The following PCDHGA5 variants were observed in gnomAD, a reference collection of about 807,000 sequenced individuals.
PCDHGA5 encodes the protein protocadherin gamma subfamily A, 5.
A neutral mutation model predicts 56.7 loss-of-function variants in PCDHGA5; 36 were observed. The observed-to-expected ratio is 0.64, with a 90% confidence interval of 0.49 to 0.84. The LOEUF is 0.84. PCDHGA5 is among the 40% of genes least tolerant of loss of function. The pLI is 0.00. For synonymous variants in PCDHGA5, 563 were observed against 520.2 expected (o/e 1.08, Z -1.12); for missense variants, 1,305 against 1,201.5 (o/e 1.09, Z -1.27).
chr5:141,371,913 G>T (rs569737317), intron 1 of PCDHGA5: 1 of 1,613,394 alleles, frequency 6.2e-7, no homozygotes, highest in African/African-American at 1.3e-5. Flanking sequence ...CTACGTGTCC[G>T]TGAGCGCGCG....
intron 1 of PCDHGA5, among the ~76,000 whole-genome samples, chr5:141,456,882 G>A (rs1039329600): frequency 6.6e-6 from 1 of 152,156 alleles, no homozygotes; most frequent in Non-Finnish European, 1.5e-5. Context: ...AGAATCGCTT[G>A]AACCCGGGAG....
chr5:141,437,306 C>T (rs1462689998), intron 1 of PCDHGA5, among the ~76,000 whole-genome samples: 1 of 152,104 alleles, frequency 6.6e-6, no homozygotes, highest in Non-Finnish European at 1.5e-5. Flanking sequence ...CAAGTTAAAG[C>T]GTTCAGCTAT....
chr5:141,375,257 T>C, intron 1 of PCDHGA5: 1 of 1,613,890 alleles, frequency 6.2e-7, no homozygotes, highest in Middle Eastern at 1.6e-4. Flanking sequence ...AAGTCTCCCA[T>C]TTGAATTGGA....
chr5:141,491,964 C>T lies in PCDHGA5; in HGVS notation c.2422-2843C>T, dbSNP rs1382490003. 2.1e-6 allele frequency: 2 copies of T among 943,836 alleles called. No individual in the cohort carries two copies. The highest frequency in any genetic ancestry group is 3.0e-6 in the Non-Finnish European group (2 of 671,104). 58.5% of individuals were successfully genotyped at this position (943,836 alleles called of 1,614,324 possible). On this transcript the variant is annotated intron_variant, in intron 1 of 3. Transcript: ENST00000518069. The surrounding 1 kb of genome is among the most constrained non-coding windows in gnomAD (Gnocchi z 6.9). ...CCCCACCCCTACACTCAAAAAAGGC[C>T]GGGGCCTCCTTCGAGCTTCCGGTGA...
intron 1 of PCDHGA5, among the ~76,000 whole-genome samples, chr5:141,466,748 G>A (rs562859284): frequency 6.6e-6 from 1 of 152,238 alleles, no homozygotes; most frequent in South Asian, 2.1e-4. Context: ...TACTCTGATA[G>A]GGGCTCTTTT....
At chr5:141,395,095 C>G in intron 1 of PCDHGA5, 1 of 1,614,174 alleles carries the variant, frequency 6.2e-7, no homozygotes, top group Non-Finnish European at 8.5e-7. Flanking sequence ...TCCCTCACCG[C>G]CGACTCGCGG....
chr5:141,394,918 G>A, intron 1 of PCDHGA5: 1 of 1,613,812 alleles, frequency 6.2e-7, no homozygotes, highest in Non-Finnish European at 8.5e-7. Context: ...GCCATCTCCT[G>A]TGTCTTCCTC....
At chr5:141,380,267 C>A (rs1021604042) in intron 1 of PCDHGA5, among the ~76,000 whole-genome samples, 2 of 152,042 alleles carry the variant, frequency 1.3e-5, no homozygotes, top group Non-Finnish European at 2.9e-5. Flanking sequence ...GGAGTAAAAT[C>A]TCAGAGGAGA....
At chr5:141,389,578 TG>T (rs1314978831) in intron 1 of PCDHGA5, 1 of 1,613,236 alleles carries the variant, frequency 6.2e-7, no homozygotes, top group South Asian at 1.1e-5. Context: ...TACCCCGCGC[TG>T]GGTCCCGACG....
At chr5:141,453,178 A>G (rs939398654) in intron 1 of PCDHGA5, among the ~76,000 whole-genome samples, 1 of 152,128 alleles carries the variant, frequency 6.6e-6, no homozygotes, top group African/African-American at 2.4e-5. Flanking sequence ...CAGTGGTACA[A>G]TCACAGCTCA....
chr5:141,434,727 A>C (rs1344107083), intron 1 of PCDHGA5, among the ~76,000 whole-genome samples: 1 of 152,052 alleles, frequency 6.6e-6, no homozygotes. Context: ...CAGGGCTCTC[A>C]GCTCTGAAGG....
Position 141,400,095 on chromosome 5 carries a change from G to A in PCDHGA5, c.2421+33344G>A, listed in dbSNP as rs6873830. ...CGCCACTCTCCGCCACCGCCACGCT[G>A]CACTTGGTCTTTGCTGACAGCTTGC... On this transcript the variant is annotated intron_variant, in intron 1 of 3. Coordinates refer to ENST00000518069, the MANE Select transcript of PCDHGA5 (RefSeq NM_018918.3). 3.0e-3 allele frequency: 4,838 copies of A among 1,614,064 alleles called. 144 individuals are homozygous for A. The African/African-American group carries it at 0.056, about 19-fold the overall frequency.
chr5:141,410,849 C>CTTTTTTTTTTTT lies in PCDHGA5; in HGVS notation c.2421+44109_2421+44120dup. The CTTTTTTTTTTTT allele has an allele frequency of 2.7e-3, 375 of 138,154 alleles. 24 individuals are homozygous for CTTTTTTTTTTTT. The highest frequency in any genetic ancestry group is 6.9e-3 in the African/African-American group (114 of 16,622). 8.6% of individuals were successfully genotyped at this position (138,154 alleles called of 1,614,324 possible). ...CAGACTGAAGATATTTTGTCTTTGTCTTTTTTTTTTTTTTTTTTTTTTGAG... is the reference window on the plus strand; with the variant it reads ...CAGACTGAAGATATTTTGTCTTTGTCTTTTTTTTTTTTTTTTTTTTTTTTTTTTTTTTTTGAG... On this transcript the variant is annotated intron_variant, in intron 1 of 3. Coordinates refer to ENST00000518069, the MANE Select transcript of PCDHGA5 (RefSeq NM_018918.3).
In PCDHGA5 at chr5:141,366,519, G is replaced by T; in HGVS notation, c.2189G>T (p.Ser730Ile). 6.2e-7 allele frequency: 1 copy of T among 1,614,256 alleles called. No homozygotes were observed. The highest frequency in any genetic ancestry group is 8.5e-7 in the Non-Finnish European group (1 of 1,180,042). ...TCACGCCTGCTTCAGGCTGAAGGCA[G>T]CAGGTTGGCGGGTGTGCCCGCCTCG... ...HKSRLLQAEG[S>I]RLAGVPASHF... The change falls in exon 1 of 4, where the codon AGC (serine) becomes ATC (isoleucine). Residue 730 changes from serine to isoleucine, a missense_variant. Ser to Ile is a moderately radical substitution (Grantham distance 142). Transcript: ENST00000518069.
Position 141,415,142 on chromosome 5 carries a change from C to A in PCDHGA5, c.2421+48391C>A, listed in dbSNP as rs757516335. On this transcript the variant is annotated intron_variant, in intron 1 of 3. Coordinates refer to ENST00000518069, the MANE Select transcript of PCDHGA5 (RefSeq NM_018918.3). The stretch of plus-strand genomic sequence containing the variant: ...GTGGCCGTCCAGGACCACGGCCAGC[C>A]CCCTCTCTCCGCCACTGTCACGCTC... 10 of 1,613,732 alleles carry A rather than the reference C, an allele frequency of 6.2e-6. 1 individual carries two copies. In the South Asian group the frequency reaches 1.1e-4, roughly 18 times the overall value.
intron 1 of PCDHGA5, chr5:141,428,805 C>G (rs1468764398): frequency 6.6e-6 from 1 of 152,108 alleles, no homozygotes; most frequent in African/African-American, 2.4e-5. Flanking sequence ...GGGCCAGTAA[C>G]TTCATTATTA....
In PCDHGA5 at chr5:141,431,465, AACG is replaced by A; in HGVS notation, c.2422-63339_2422-63337del. 1.9e-6 allele frequency: 3 copies of A among 1,613,790 alleles called. No homozygotes were observed. The highest frequency in any genetic ancestry group is 2.5e-6 in the Non-Finnish European group (3 of 1,179,970). ...CATCCGCGTGATGGTTCTGGATGCGAACGACAACGCACCAGCGTTTGCTCAGCC... is the reference window on the plus strand; with the variant it reads ...CATCCGCGTGATGGTTCTGGATGCGAACAACGCACCAGCGTTTGCTCAGCC... On this transcript the variant is annotated intron_variant, in intron 1 of 3. Transcript: ENST00000518069. The surrounding 1 kb of genome is among the most constrained non-coding windows in gnomAD (Gnocchi z 4.8).
intron 1 of PCDHGA5, chr5:141,420,995 C>T (rs1448491394): frequency 2.0e-6 from 1 of 503,150 alleles, no homozygotes; most frequent in East Asian, 3.3e-5. Flanking sequence ...CGCCGCTGCT[C>T]ACCAATCAGG....
Position 141,476,543 on chromosome 5 carries a change from G to A in PCDHGA5, c.2422-18264G>A, listed in dbSNP as rs1419273574. 1 of 1,614,220 alleles carries A rather than the reference G, an allele frequency of 6.2e-7. No individual in the cohort carries two copies. Among genetic ancestry groups the A allele is most frequent in the South Asian group, 1.1e-5 (1 of 91,084 alleles). On this transcript the variant is annotated intron_variant, in intron 1 of 3. Transcript: ENST00000518069. The surrounding 1 kb of genome is among the most constrained non-coding windows in gnomAD (Gnocchi z 7.6). ...TTTCCCTACCCAGGAAATGAAATTG[G>A]AGATTAGCGAGGCCGTGGCTCCGGG...
Sources: gnomAD v4.1 joint callset for allele counts (sites outside exome capture counted in the v4.1 genomes callset) on GRCh38, gnomAD v4.1.1 for gene constraint, Gnocchi (gnomAD v3.1) non-coding constraint, MANE v1.5 for transcripts, NCBI Gene and HGNC (gene_info 2026-07-23, HGNC 2026-07-21) for gene names.